The following ZMAT4 variants were observed in gnomAD, a reference collection of about 807,000 sequenced individuals.
The protein encoded by ZMAT4 is zinc finger matrin-type 4.
Under a neutral mutation model 28.7 loss-of-function variants are expected in ZMAT4, and 17 were observed. That is an observed-to-expected ratio of 0.59 (90% CI 0.41 to 0.89). ZMAT4 has a LOEUF of 0.89. ZMAT4 is among the 40% of genes least tolerant of loss of function. The pLI, the probability that ZMAT4 is intolerant of heterozygous loss-of-function variation, is 0.00. For synonymous variants in ZMAT4, 117 were observed against 109.2 expected (o/e 1.07, Z -0.44); for missense variants, 240 against 283.8 (o/e 0.85, Z 1.11).
intron 2 of ZMAT4, among the ~76,000 whole-genome samples, chr8:40,781,761 C>CAAAAAAAAAA (rs59432510): frequency 4.4e-4 from 17 of 38,516 alleles, no homozygotes; most frequent in South Asian, 2.0e-3. Context: ...GACTCCGTCT[C>CAAAAAAAAAA]AAAAAAAAAA....
intron 1 of ZMAT4, among the ~76,000 whole-genome samples, chr8:40,839,916 C>T (rs777119710): frequency 2.0e-5 from 3 of 152,208 alleles, no homozygotes; most frequent in Non-Finnish European, 4.4e-5. Flanking sequence ...TGTGCATGTA[C>T]CCCATACATT....
chr8:40,713,526 T>C (rs1263758535), intron 3 of ZMAT4, among the ~76,000 whole-genome samples: 9 of 151,832 alleles, frequency 5.9e-5, no homozygotes, highest in African/African-American at 1.9e-4. Context: ...CTTAGCTATA[T>C]AAAGAACACT....
At chr8:40,731,781 C>T (rs1811553067) in intron 3 of ZMAT4, among the ~76,000 whole-genome samples, 1 of 152,322 alleles carries the variant, frequency 6.6e-6, no homozygotes. Context: ...CACACGTTCA[C>T]AGCAGCTTGA....
Position 40,881,556 on chromosome 8 carries a change from AAG to A in ZMAT4, c.-5+16125_-5+16126del, listed in dbSNP as rs1491513113. Among the ~76,000 whole-genome samples, 2 of 97,408 alleles carry A rather than the reference AAG, an allele frequency of 2.1e-5. 1 individual carries two copies. Among genetic ancestry groups the A allele is most frequent in the Non-Finnish European group, 4.3e-5 (2 of 46,614 alleles). 63.9% of individuals were successfully genotyped at this position (97,408 alleles called of 152,430 possible). On this transcript the variant is annotated intron_variant, in intron 1 of 6. Transcript: ENST00000297737. ...AAAGAAAGAAAGAAAGAAAGAAAGA[AAG>A]AAAGAAAGAAAGAAAGAAAGAAAGA...
chr8:40,684,157 G>C (rs1311876334), intron 4 of ZMAT4, among the ~76,000 whole-genome samples: 1 of 152,032 alleles, frequency 6.6e-6, no homozygotes, highest in Non-Finnish European at 1.5e-5. Context: ...TTACGTATTA[G>C]GCATTTCTTT....
At chr8:40,757,244 T>C (rs1014938632) in intron 3 of ZMAT4, among the ~76,000 whole-genome samples, 1 of 152,126 alleles carries the variant, frequency 6.6e-6, no homozygotes, top group Non-Finnish European at 1.5e-5. Flanking sequence ...ACCCTGCCCA[T>C]GGCTGTGAAT....
intron 2 of ZMAT4, chr8:40,808,399 G>T (rs556526510): frequency 1.9e-5 from 6 of 309,664 alleles, no homozygotes; most frequent in African/African-American, 1.3e-4. Context: ...AAAAAAAAAA[G>T]ACAGCATATT....
intron 5 of ZMAT4, among the ~76,000 whole-genome samples, chr8:40,658,609 G>A (rs923144397): frequency 2.4e-5 from 3 of 124,578 alleles, no homozygotes; most frequent in East Asian, 2.2e-4. Flanking sequence ...TTTAGGCAGC[G>A]TTAGACACAT....
At chr8:40,617,076 TGA>T (rs1806034447) in intron 5 of ZMAT4, among the ~76,000 whole-genome samples, 3 of 152,164 alleles carry the variant, frequency 2.0e-5, no homozygotes, top group Non-Finnish European at 4.4e-5. Flanking sequence ...GAATTTATCA[TGA>T]TGTCACAATG....
chr8:40,770,433 A>G (rs959606942), intron 2 of ZMAT4, among the ~76,000 whole-genome samples: 10 of 151,378 alleles, frequency 6.6e-5, no homozygotes, highest in Admixed American at 3.3e-4. Context: ...CCTGCCTCCA[A>G]CCTAGGCCTG....
At chr8:40,719,203 A>C (rs890697744) in intron 3 of ZMAT4, among the ~76,000 whole-genome samples, 1 of 152,112 alleles carries the variant, frequency 6.6e-6, no homozygotes, top group Non-Finnish European at 1.5e-5. Context: ...GCACTTTGGG[A>C]GGCTGAGACG....
chr8:40,732,834 CTTTTTTT>C (rs11461186), intron 3 of ZMAT4, among the ~76,000 whole-genome samples: 1 of 67,022 alleles, frequency 1.5e-5, no homozygotes. Flanking sequence ...GCAAGACCTC[CTTTTTTT>C]TTTTTTTTTT....
chr8:40,549,134 C>T (rs1390293329), intron 6 of ZMAT4, among the ~76,000 whole-genome samples: 1 of 152,070 alleles, frequency 6.6e-6, no homozygotes, highest in African/African-American at 2.4e-5. Context: ...TGTAAGGACC[C>T]AACAAGAAGC....
chr8:40,649,377 A>T lies in ZMAT4; in HGVS notation c.577+25327T>A, dbSNP rs560529572. 2.2e-4 allele frequency among the ~76,000 whole-genome samples: 33 copies of T among 152,350 alleles called. 2 individuals carry two copies. The South Asian group carries it at 6.4e-3, about 30-fold the overall frequency. On this transcript the variant is annotated intron_variant, in intron 5 of 6. Transcript: ENST00000297737. ...ATCAATTCAACAAGAAGAGCTAACTATCATAAATATATATGCACCCAATAC... is the reference window on the plus strand; with the variant it reads ...ATCAATTCAACAAGAAGAGCTAACTTTCATAAATATATATGCACCCAATAC...
Position 40,710,841 on chromosome 8 carries a change from C to G in ZMAT4, c.193-13440G>C, listed in dbSNP as rs1222318239. Among the ~76,000 whole-genome samples, 4 of 151,666 alleles carry G rather than the reference C, an allele frequency of 2.6e-5. No individual in the cohort carries two copies. The East Asian group carries it at 7.8e-4, about 29-fold the overall frequency. ...CTGCCTCCAGGCTGGAGTGCAGTGG[C>G]GCGATCTCGGCTCACTGCAACCTCC... On this transcript the variant is annotated intron_variant, in intron 3 of 6. Transcript: ENST00000297737.
At chr8:40,591,060 T>C (rs1312233570) in intron 5 of ZMAT4, among the ~76,000 whole-genome samples, 1 of 151,504 alleles carries the variant, frequency 6.6e-6, no homozygotes, top group African/African-American at 2.4e-5. Flanking sequence ...TGGTGAGGAG[T>C]GGGGTGCTAG....
chr8:40,733,233 T>C (rs1177764541), intron 3 of ZMAT4, among the ~76,000 whole-genome samples: 1 of 152,146 alleles, frequency 6.6e-6, no homozygotes, highest in Non-Finnish European at 1.5e-5. Context: ...CAGACAATTA[T>C]CGCAGGGGGT....
chr8:40,713,921 CAAAAAAAA>C (rs532317102), intron 3 of ZMAT4, among the ~76,000 whole-genome samples: 2 of 50,030 alleles, frequency 4.0e-5, no homozygotes, highest in African/African-American at 1.3e-4. Context: ...AAAACAAAAC[CAAAAAAAA>C]AAAAAAAAAA....
intron 6 of ZMAT4, among the ~76,000 whole-genome samples, chr8:40,580,406 G>T (rs772358874): frequency 3.9e-5 from 6 of 152,136 alleles, no homozygotes; most frequent in Non-Finnish European, 8.8e-5. Flanking sequence ...AATTCATGAG[G>T]TCTTGATACA....
Sources: gnomAD v4.1 joint callset for allele counts (sites outside exome capture counted in the v4.1 genomes callset) on GRCh38, gnomAD v4.1.1 for gene constraint, MANE v1.5 for transcripts, NCBI Gene and HGNC (gene_info 2026-07-23, HGNC 2026-07-21) for gene names.